The following DCDC2C variants were observed in gnomAD, a reference collection of about 807,000 sequenced individuals.
DCDC2C encodes the protein doublecortin domain-containing protein 2C.
DCDC2C carries 44 observed loss-of-function variants against 45.0 expected under a neutral mutation model. The observed-to-expected ratio is 0.98, with a 90% CI of 0.77 to 1.26. The LOEUF (loss-of-function observed/expected upper bound fraction) is 1.26. Among genes scored for constraint, DCDC2C ranks in the 50% most tolerant of loss-of-function variants. The probability of loss-of-function intolerance (pLI) is 0.00; values close to 1 mark genes in which losing one functional copy is unlikely to be tolerated. For synonymous variants in DCDC2C, 187 were observed against 178.8 expected (o/e 1.05, Z -0.37); for missense variants, 447 against 468.9 (o/e 0.95, Z 0.43).
At chr2:3,788,999 GC>G (rs955480995) in intron 10 of DCDC2C, among the ~76,000 whole-genome samples, 1 of 151,928 alleles carries the variant, frequency 6.6e-6, no homozygotes, top group African/African-American at 2.4e-5. Flanking sequence ...CACGTGTGCC[GC>G]CATACCCAGC....
chr2:3,704,147 G>C, intron 1 of DCDC2C, 109 bp downstream of exon 1: 5 of 1,036,176 alleles, frequency 4.8e-6, no homozygotes, highest in Non-Finnish European at 6.2e-6. Context: ...TTCCCTCCCG[G>C]CTCGGGCGCC....
chr2:3,734,866 C>T lies in DCDC2C; in HGVS notation c.417-7054C>T, dbSNP rs1453763811. ...AAGGTGGGGGTGAAAGTACAGAGCC[C>T]TTCAGGTTCATGAAAGTGTCTTTAG... is the stretch of plus-strand genomic sequence containing the variant. On this transcript the variant is annotated intron_variant, in intron 3 of 10. Coordinates refer to ENST00000399143, the MANE Select transcript of DCDC2C (RefSeq NM_001287444.2). The surrounding 1 kb of genome is among the most constrained non-coding windows in gnomAD (Gnocchi z 4.2). Among the ~76,000 whole-genome samples the T allele has an allele frequency of 1.3e-5, 2 of 152,146 alleles. No homozygotes were observed. The highest frequency in any genetic ancestry group is 3.8e-4 in the East Asian group (2 of 5,198).
At chr2:3,806,764 G>C (rs2872321) in intron 10 of DCDC2C, among the ~76,000 whole-genome samples, 27,044 of 151,750 alleles carry the variant, frequency 0.18, 2,567 homozygotes, top group East Asian at 0.25. Flanking sequence ...GGTCAGGCTA[G>C]TCTCCAACTC....
intron 9 of DCDC2C, among the ~76,000 whole-genome samples, chr2:3,780,977 G>T (rs555604103): frequency 3.9e-5 from 6 of 152,278 alleles, no homozygotes; most frequent in African/African-American, 1.2e-4. Flanking sequence ...CCGTTGCTTC[G>T]CTGGCGCCAC....
At chr2:3,827,392 G>C (rs192625997) in intron 10 of DCDC2C, among the ~76,000 whole-genome samples, 417 of 152,242 alleles carry the variant, frequency 2.7e-3, no homozygotes, top group African/African-American at 9.3e-3. Context: ...AGAGGGTCAG[G>C]TGGTTCTCAG....
intron 10 of DCDC2C, among the ~76,000 whole-genome samples, chr2:3,836,835 C>G (rs1672089396): frequency 7.0e-6 from 1 of 142,778 alleles, no homozygotes; most frequent in Non-Finnish European, 1.5e-5. Flanking sequence ...GCACTCCAGC[C>G]TGGGCGACAG....
At chr2:3,750,567 T>C (rs1310343470) in intron 4 of DCDC2C, among the ~76,000 whole-genome samples, 1 of 152,134 alleles carries the variant, frequency 6.6e-6, no homozygotes, top group Non-Finnish European at 1.5e-5. Flanking sequence ...ATCACCGTCT[T>C]TCCTGTCTGT....
At chr2:3,752,630 C>T (rs1669575477) in intron 4 of DCDC2C, 133 bp from the exon 5 acceptor site, 1 of 1,078,838 alleles carries the variant, frequency 9.3e-7, no homozygotes. Context: ...GTTTGGATAA[C>T]ACGTGCTTAC....
chr2:3,814,796 G>T (rs1254217610), intron 10 of DCDC2C, among the ~76,000 whole-genome samples: 2 of 152,248 alleles, frequency 1.3e-5, no homozygotes, highest in African/African-American at 4.8e-5. Flanking sequence ...GATGGGTCAG[G>T]TCAGGCCTAA....
At chr2:3,737,745 G>GCTAGT (rs1669072734) in intron 3 of DCDC2C, among the ~76,000 whole-genome samples, 2 of 152,160 alleles carry the variant, frequency 1.3e-5, no homozygotes, top group Non-Finnish European at 2.9e-5. Context: ...AAGTGTTCAT[G>GCTAGT]GCTAGTGCTG....
At chr2:3,766,935 C>A (rs1212153391) in intron 6 of DCDC2C, among the ~76,000 whole-genome samples, 6 of 152,186 alleles carry the variant, frequency 3.9e-5, no homozygotes, top group Non-Finnish European at 2.9e-5. Context: ...CAGTGGAAAG[C>A]CGTAGGATAC....
intron 4 of DCDC2C, among the ~76,000 whole-genome samples, chr2:3,751,417 C>G (rs1440340996): frequency 5.9e-5 from 9 of 152,200 alleles, no homozygotes; most frequent in Admixed American, 3.3e-4. Flanking sequence ...CACCAGCTCC[C>G]CAGGTGCAGC....
intron 10 of DCDC2C, among the ~76,000 whole-genome samples, chr2:3,790,971 G>T (rs192170315): frequency 6.6e-6 from 1 of 152,102 alleles, no homozygotes; most frequent in South Asian, 2.1e-4. Flanking sequence ...TGAGCCAGGC[G>T]TGGTGGTGGG....
At chr2:3,731,378 C>T (rs770353211) in intron 3 of DCDC2C, among the ~76,000 whole-genome samples, 8 of 152,174 alleles carry the variant, frequency 5.3e-5, no homozygotes, top group Non-Finnish European at 1.0e-4. Context: ...GCACTGGCCA[C>T]GTGACAGGAG....
intron 2 of DCDC2C, among the ~76,000 whole-genome samples, chr2:3,719,547 G>A (rs954790868): frequency 2.6e-5 from 4 of 152,128 alleles, no homozygotes; most frequent in African/African-American, 9.7e-5. Flanking sequence ...TAGAGTTGAC[G>A]TGGGTTGGAG....
chr2:3,716,691 C>G (rs775904359), intron 2 of DCDC2C, among the ~76,000 whole-genome samples: 3 of 152,142 alleles, frequency 2.0e-5, no homozygotes, highest in Non-Finnish European at 2.9e-5. Context: ...GGGAGAATTA[C>G]TTGAGAAATG....
At chr2:3,841,376 AATATTATTTTATATTAATATTTT>A (rs1363295308) in intron 10 of DCDC2C, among the ~76,000 whole-genome samples, 9 of 150,240 alleles carry the variant, frequency 6.0e-5, no homozygotes, top group African/African-American at 1.5e-4. Context: ...AAACAGCACA[AATATTATTTTATATTAATATTTT>A]ATATTATTTT....
intron 4 of DCDC2C, among the ~76,000 whole-genome samples, chr2:3,746,258 ATGCG>A (rs1238791810): frequency 6.6e-6 from 1 of 152,190 alleles, no homozygotes; most frequent in Non-Finnish European, 1.5e-5. Flanking sequence ...TCCAGAAGAG[ATGCG>A]TGCTGTAAGA....
At chr2:3,812,452 G>A (rs1671423459) in intron 10 of DCDC2C, among the ~76,000 whole-genome samples, 1 of 151,856 alleles carries the variant, frequency 6.6e-6, no homozygotes. Context: ...TTTTTATTGT[G>A]TCTATTTGAT....
Sources: gnomAD v4.1 joint callset for allele counts (sites outside exome capture counted in the v4.1 genomes callset) on GRCh38, gnomAD v4.1.1 for gene constraint, Gnocchi (gnomAD v3.1) non-coding constraint, MANE v1.5 for transcripts, NCBI Gene and HGNC (gene_info 2026-07-23, HGNC 2026-07-21) for gene names.